Variants in CLVS1 observed in about 807,000 individuals in gnomAD.
The protein encoded by CLVS1 is clavesin 1.
A neutral mutation model predicts 33.1 loss-of-function variants in CLVS1; 10 were observed. The ratio of observed to expected loss-of-function variants is 0.30; its 90% CI spans 0.19 to 0.51. CLVS1 has a LOEUF of 0.51. Among genes scored for constraint, CLVS1 ranks in the 20% least tolerant of loss-of-function variants. CLVS1 has a pLI of 0.97. For synonymous variants in CLVS1, 163 were observed against 166.1 expected, an observed-to-expected ratio of 0.98 and a Z score of 0.14; for missense variants, 343 against 433.4, an observed-to-expected ratio of 0.79 and a Z score of 1.85.
intron 1 of CLVS1, among the ~76,000 whole-genome samples, chr8:61,095,940 A>G (rs1312383734): frequency 1.3e-5 from 2 of 152,250 alleles, no homozygotes; most frequent in Admixed American, 6.5e-5. Context: ...AAAAAAGAAT[A>G]GTAAACAACA....
At chr8:61,339,921 G>C (rs986089712) in intron 2 of CLVS1, among the ~76,000 whole-genome samples, 1 of 148,838 alleles carries the variant, frequency 6.7e-6, no homozygotes, top group Non-Finnish European at 1.5e-5. Flanking sequence ...AAGAAAGAGA[G>C]TGAAAGAAAG....
intron 3 of CLVS1, among the ~76,000 whole-genome samples, chr8:61,382,720 C>G (rs1813932602): frequency 6.6e-6 from 1 of 152,128 alleles, no homozygotes; most frequent in Non-Finnish European, 1.5e-5. Context: ...AGATCTAGAG[C>G]AGAGCCCAAG....
At chr8:61,369,642 G>T (rs1198339665) in intron 2 of CLVS1, among the ~76,000 whole-genome samples, 1 of 152,168 alleles carries the variant, frequency 6.6e-6, no homozygotes, top group Non-Finnish European at 1.5e-5. Flanking sequence ...GGGATAGGAG[G>T]CTCCTTCACA....
chr8:61,309,912 T>G (rs143483306), intron 2 of CLVS1, among the ~76,000 whole-genome samples: 2 of 152,044 alleles, frequency 1.3e-5, no homozygotes, highest in Non-Finnish European at 2.9e-5. Flanking sequence ...TTTGCAAGAG[T>G]GTTAAAGAGC....
intron 1 of CLVS1, among the ~76,000 whole-genome samples, chr8:61,094,698 A>G (rs565796959): frequency 6.6e-6 from 1 of 152,352 alleles, no homozygotes; most frequent in East Asian, 1.9e-4. Context: ...ATTAGGACAC[A>G]GACACACAAA....
the CLVS1 span, among the ~76,000 whole-genome samples, chr8:61,005,510 C>A: frequency 6.6e-6 from 1 of 151,836 alleles, no homozygotes; most frequent in Non-Finnish European, 1.5e-5. Flanking sequence ...GAAAAAAAAG[C>A]CCCCACATGG....
At chr8:61,421,725 T>C (rs1339410185) in intron 3 of CLVS1, among the ~76,000 whole-genome samples, 1 of 152,200 alleles carries the variant, frequency 6.6e-6, no homozygotes, top group South Asian at 2.1e-4. Flanking sequence ...TCAATCAATT[T>C]CCATCTCCTT....
At chr8:61,484,564 G>A (rs1378606522) in intron 5 of CLVS1, among the ~76,000 whole-genome samples, 1 of 152,146 alleles carries the variant, frequency 6.6e-6, no homozygotes, top group Non-Finnish European at 1.5e-5. Flanking sequence ...AGCTACCAAT[G>A]ACTTTCTTCA....
intron 1 of CLVS1, among the ~76,000 whole-genome samples, chr8:61,074,898 G>A (rs1239637626): frequency 1.3e-5 from 2 of 152,178 alleles, no homozygotes; most frequent in African/African-American, 4.8e-5. Context: ...CAGCTTGGAT[G>A]AATAGAGAGG....
chr8:61,488,219 C>A (rs938457402), intron 5 of CLVS1, among the ~76,000 whole-genome samples: 19 of 152,264 alleles, frequency 1.2e-4, no homozygotes, highest in Non-Finnish European at 2.2e-4. Flanking sequence ...TATGTAGTAG[C>A]GCATTCCACT....
chr8:61,457,938 CA>C (rs1817226368), intron 4 of CLVS1, among the ~76,000 whole-genome samples: 1 of 152,128 alleles, frequency 6.6e-6, no homozygotes, highest in South Asian at 2.1e-4. Flanking sequence ...GGTGAGAGCA[CA>C]CAGATGGGAG....
intron 1 of CLVS1, among the ~76,000 whole-genome samples, chr8:61,096,836 C>T (rs868442772): frequency 5.9e-5 from 9 of 152,160 alleles, no homozygotes; most frequent in Non-Finnish European, 1.0e-4. Context: ...ACCTCATAGA[C>T]GTGATTCCTA....
intron 1 of CLVS1, among the ~76,000 whole-genome samples, chr8:61,080,131 G>A (rs1173347590): frequency 6.6e-6 from 1 of 152,140 alleles, no homozygotes. Flanking sequence ...TCTATTAACA[G>A]TAAGGACTTA....
At chr8:61,478,862 A>T (rs1818066694) in intron 5 of CLVS1, among the ~76,000 whole-genome samples, 2 of 152,104 alleles carry the variant, frequency 1.3e-5, no homozygotes, top group Non-Finnish European at 2.9e-5. Context: ...CTGTCATTGA[A>T]ATTCTGGGTT....
At chr8:61,037,549 T>A in the CLVS1 span, among the ~76,000 whole-genome samples, 1 of 152,256 alleles carries the variant, frequency 6.6e-6, no homozygotes, top group Admixed American at 6.5e-5. Context: ...GACATGCGTG[T>A]TGTTTCCACC....
chr8:61,224,599 G>A (rs767021186), intron 2 of CLVS1, among the ~76,000 whole-genome samples: 5 of 152,166 alleles, frequency 3.3e-5, no homozygotes, highest in Admixed American at 6.5e-5. Context: ...CAGTAGGATC[G>A]TTCCTGTATA....
Position 61,162,859 on chromosome 8 carries a change from C to T in CLVS1, c.-152+30999C>T, listed in dbSNP as rs564094599. On this transcript the variant is annotated intron_variant, in intron 2 of 2. Transcript: ENST00000522621. Reference sequence around the variant, plus strand: ...TGGCTTTTGGGGCCAAGTGAAAACACTCTCTCTGCTTGCCTGCCAGCTGGG... The same window carrying T: ...TGGCTTTTGGGGCCAAGTGAAAACATTCTCTCTGCTTGCCTGCCAGCTGGG... Among the ~76,000 whole-genome samples the T allele has an allele frequency of 2.6e-5, 4 of 152,266 alleles. No homozygotes were observed. The East Asian group carries it at 5.8e-4, about 22-fold the overall frequency.
chr8:61,139,657 G>A (rs531777564), intron 2 of CLVS1, among the ~76,000 whole-genome samples: 9 of 152,132 alleles, frequency 5.9e-5, no homozygotes, highest in African/African-American at 2.2e-4. Context: ...CCGGCCTCAG[G>A]GGGAGGCACG....
the CLVS1 span, among the ~76,000 whole-genome samples, chr8:61,010,686 T>A: frequency 1.3e-5 from 2 of 152,208 alleles, no homozygotes; most frequent in Non-Finnish European, 2.9e-5. Context: ...TCTATGAGTA[T>A]CCACCATACC....
Sources: allele counts gnomAD v4.1 joint callset (sites outside exome capture counted in the v4.1 genomes callset), GRCh38; gene constraint gnomAD v4.1.1; transcripts MANE v1.5; gene names NCBI Gene and HGNC (gene_info 2026-07-23, HGNC 2026-07-21).